The following TRMO variants were observed in gnomAD, a reference collection of about 807,000 sequenced individuals.
TRMO encodes tRNA methyltransferase O, also known as tRNA (adenine(37)-N6)-methyltransferase.
A neutral mutation model predicts 37.2 loss-of-function variants in TRMO; 30 were observed. The ratio of observed to expected loss-of-function variants is 0.81; its 90% CI spans 0.60 to 1.09. The LOEUF is 1.09. TRMO is among the 50% of genes least tolerant of loss of function. TRMO has a pLI of 0.00. For synonymous variants in TRMO, 239 were observed against 199.4 expected (o/e 1.20, Z -1.67); for missense variants, 552 against 549.5 (o/e 1.00, Z -0.05).
rs1387064420 is a variant in TRMO at position 97,904,580 on chromosome 9, CG to C, written c.*152del. The C allele has an allele frequency of 6.8e-7, 1 of 1,480,672 alleles. No homozygotes were observed. The highest frequency in any genetic ancestry group is 1.4e-5 in the African/African-American group (1 of 71,330). The allele number at this position is 1,480,672 out of a possible 1,614,324, so 91.7% of individuals were successfully genotyped here. A position where few individuals can be genotyped will look rare whatever the true frequency, so the allele number is the denominator to read the frequency against. ...TCTTTGTTAAGTTTATTAATGTATA[CG>C]TTTTTCAAATAAACATTTTGAACAG... On this transcript the variant is annotated 3_prime_UTR_variant, in exon 5 of 5. Coordinates refer to ENST00000375119, the MANE Select transcript of TRMO (RefSeq NM_016481.5).
Position 97,916,182 on chromosome 9 carries a change from T to A in TRMO, c.233A>T (p.Glu78Val). The part of the protein sequence containing the change: ...NNPEHSLMGL[E>V]QFSHVWILFV... Reference sequence around the variant, plus strand: ...AACTTACCAAACATGAGAAAACTGTTCTAGGCCCATCAAGGAATGTTCAGG... The same window carrying A: ...AACTTACCAAACATGAGAAAACTGTACTAGGCCCATCAAGGAATGTTCAGG... The change falls in exon 2 of 5, where the codon GAA (glutamate) becomes GTA (valine). Residue 78 changes from glutamate (E) to valine (V), a missense_variant. Transcript: ENST00000375119. The A allele has an allele frequency of 6.2e-7, 1 of 1,610,090 alleles. No individual in the cohort carries two copies. The highest frequency in any genetic ancestry group is 1.3e-5 in the African/African-American group (1 of 74,812).
At position 97,922,472 on chromosome 9, in the gene TRMO, C is replaced by G; in HGVS notation, c.22G>C (p.Gly8Arg). Residue 8 changes from glycine to arginine, a missense_variant, in exon 1 of 5, where the codon GGG (glycine) becomes CGG (arginine). Gly to Arg is a moderately radical substitution (Grantham distance 125). Transcript: ENST00000375119. MRGLEES[G>R]PRPTATPCGC... The stretch of plus-strand genomic sequence containing the variant: ...CACGGGGTCGCTGTAGGCCGAGGCC[C>G]CGACTCCTCCAAGCCGCGCATGGCT... The G allele has an allele frequency of 6.3e-7, 1 of 1,585,186 alleles. No homozygotes were observed. Among genetic ancestry groups the G allele is most frequent in the Non-Finnish European group, 8.6e-7 (1 of 1,167,122 alleles).
Position 97,910,657 on chromosome 9 carries a change from A to C in TRMO, c.410-41T>G, listed in dbSNP as rs755195563. 27 of 1,596,680 alleles carry C rather than the reference A, an allele frequency of 1.7e-5. No homozygotes were observed. In the South Asian group the frequency reaches 2.8e-4, roughly 17 times the overall value. ...GTGAAAAATGAAGAACAGTGCAAACACTTGGAGAATACAGTCACGCCCCAG... is the reference window on the plus strand; with the variant it reads ...GTGAAAAATGAAGAACAGTGCAAACCCTTGGAGAATACAGTCACGCCCCAG... On this transcript the variant is annotated intron_variant, in intron 3 of 4. Coordinates refer to ENST00000375119, the MANE Select transcript of TRMO (RefSeq NM_016481.5).
At chr9:97,900,146 A>C (rs183273282), downstream of TRMO, among the ~76,000 whole-genome samples, 11 of 152,354 alleles carry the variant, frequency 7.2e-5, no homozygotes, top group Admixed American at 2.6e-4. Context: ...TTATCTAGCC[A>C]GGTAAGCCAG....
chr9:97,910,799 A>G, intron 3 of TRMO, 183 bp from the exon 4 acceptor site: 1 of 671,156 alleles, frequency 1.5e-6, no homozygotes, highest in African/African-American at 1.8e-5. Context: ...TTCTCTACCT[A>G]TCAAACTCCT....
intron 4 of TRMO, among the ~76,000 whole-genome samples, chr9:97,905,888 G>A (rs572455608): frequency 6.6e-6 from 1 of 152,290 alleles, no homozygotes; most frequent in East Asian, 1.9e-4. Context: ...GGGCACGGTG[G>A]CTCACACCTG....
intron 4 of TRMO, 64 bp downstream of exon 4, chr9:97,909,896 C>T: frequency 2.3e-6 from 3 of 1,291,782 alleles, no homozygotes; most frequent in African/African-American, 1.5e-5. Context: ...TCACAAATAC[C>T]AAACTTGGCT....
Position 97,910,009 on chromosome 9 carries a change from C to T in TRMO, c.1017G>A (p.Val339=), listed in dbSNP as rs1204252407. 7.5e-6 allele frequency: 12 copies of T among 1,590,208 alleles called. No homozygotes were observed. Among genetic ancestry groups the T allele is most frequent in the South Asian group, 3.4e-5 (3 of 88,252 alleles). The stretch of plus-strand genomic sequence containing the variant: ...CCATCTCGGCATGAGGAGTAAACCG[C>T]ACTTCTAAAGTGGCCACAGGAGCCT... ...VTEAPVATLE[V]RFTPHAEMDL... Residue 339 remains valine, a synonymous_variant, in exon 4 of 5, where the codon GTG becomes GTA. Coordinates refer to ENST00000375119, the MANE Select transcript of TRMO (RefSeq NM_016481.5).
At chr9:97,906,836 C>A in intron 4 of TRMO, among the ~76,000 whole-genome samples, 1 of 80,636 alleles carries the variant, frequency 1.2e-5, no homozygotes. Flanking sequence ...AGTAAGACTC[C>A]GTCTCAAAAA....
At chr9:97,909,330 G>A (rs1826001729) in intron 4 of TRMO, among the ~76,000 whole-genome samples, 1 of 152,102 alleles carries the variant, frequency 6.6e-6, no homozygotes, top group Non-Finnish European at 1.5e-5. Flanking sequence ...TACTGCTTGG[G>A]ATCTGCTGTG....
chr9:97,913,064 C>A, intron 3 of TRMO: 1 of 585,792 alleles, frequency 1.7e-6, no homozygotes, highest in Non-Finnish European at 2.9e-6. Flanking sequence ...TGGAAAGTGT[C>A]CATTTATTTT....
downstream of TRMO, among the ~76,000 whole-genome samples, chr9:97,902,449 C>T (rs7855917): frequency 1.3e-5 from 2 of 151,946 alleles, no homozygotes; most frequent in Non-Finnish European, 2.9e-5. Flanking sequence ...TACAGGCATG[C>T]GCCATTACCA....
chr9:97,904,599 T>C lies in TRMO; in HGVS notation c.*134A>G. ...TGTATACGTTTTTCAAATAAACATTTTGAACAGCCCAAATCAATCAAAGCC... is the reference window on the plus strand; with the variant it reads ...TGTATACGTTTTTCAAATAAACATTCTGAACAGCCCAAATCAATCAAAGCC... On this transcript the variant is annotated 3_prime_UTR_variant, in exon 5 of 5. Transcript: ENST00000375119. 4.0e-6 allele frequency: 6 copies of C among 1,498,426 alleles called. No individual in the cohort carries two copies. In the South Asian group the frequency reaches 6.9e-5, roughly 17 times the overall value. 92.8% of individuals were successfully genotyped at this position (1,498,426 alleles called of 1,614,324 possible).
intron 3 of TRMO, chr9:97,911,116 G>C: frequency 3.4e-6 from 1 of 291,064 alleles, no homozygotes; most frequent in South Asian, 2.7e-5. Flanking sequence ...AGATCCAAAA[G>C]TGGCCCTGTG....
chr9:97,918,348 G>A (rs1190668420), intron 1 of TRMO, among the ~76,000 whole-genome samples: 3 of 148,642 alleles, frequency 2.0e-5, no homozygotes, highest in Non-Finnish European at 3.0e-5. Flanking sequence ...CCAAGATCAC[G>A]CCACTGCACT....
intron 1 of TRMO, among the ~76,000 whole-genome samples, chr9:97,917,981 C>T (rs1039486576): frequency 2.0e-5 from 3 of 151,564 alleles, no homozygotes; most frequent in African/African-American, 7.3e-5. Context: ...CACACCTGGC[C>T]AATATTCACC....
At chr9:97,919,046 T>C (rs996432570) in intron 1 of TRMO, among the ~76,000 whole-genome samples, 6 of 152,248 alleles carry the variant, frequency 3.9e-5, no homozygotes, top group East Asian at 1.9e-4. Flanking sequence ...CTAAGATCCA[T>C]ACATACTCTG....
intron 2 of TRMO, 104 bp from the exon 3 acceptor site, chr9:97,913,662 C>T (rs2120263): frequency 0.37 from 272,692 of 730,150 alleles, 61,577 homozygotes; most frequent in East Asian, 0.8. Flanking sequence ...CACAAATTAA[C>T]AGAAATCATG....
In TRMO at chr9:97,910,281, C is replaced by A; in HGVS notation, c.745G>T (p.Glu249Ter). ...TCCAAACCAAAATCCACTGCTATCT[C>A]CCTGTGCATAGGAAATGCTTGCTGA... is the stretch of plus-strand genomic sequence containing the variant. ...RIQQAFPMHR[E>*]IAVDFGLESR... The change falls in exon 4 of 5, where the codon GAG (glutamate) becomes TAG (stop). Residue 249 changes from glutamate to a stop codon, truncating the protein, a stop_gained. Transcript: ENST00000375119. LOFTEE classifies it high-confidence loss of function. The A allele has an allele frequency of 6.2e-7, 1 of 1,614,230 alleles. No homozygotes were observed. Among genetic ancestry groups the A allele is most frequent in the Admixed American group, 1.7e-5 (1 of 60,034 alleles).
Sources: allele counts gnomAD v4.1 joint callset (sites outside exome capture counted in the v4.1 genomes callset), GRCh38; gene constraint gnomAD v4.1.1; transcripts MANE v1.5; gene names NCBI Gene and HGNC (gene_info 2026-07-23, HGNC 2026-07-21).